Variants in PARD3B observed in about 807,000 individuals in gnomAD.
The protein encoded by PARD3B is par-3 family cell polarity regulator beta.
In PARD3B, 103 loss-of-function variants were observed where a neutral mutation model predicts 130.2. That is an observed-to-expected ratio of 0.79 (90% CI 0.67 to 0.93). The LOEUF (loss-of-function observed/expected upper bound fraction) is 0.93, where lower values mean the gene tolerates loss of function less well. PARD3B is among the 40% of genes least tolerant of loss of function. The pLI is 0.00. For missense variants in PARD3B, 1,609 were observed against 1,499.2 expected, an observed-to-expected ratio of 1.07 and a Z score of -1.21; for synonymous variants, 583 against 553.2, an observed-to-expected ratio of 1.05 and a Z score of -0.76.
intron 18 of PARD3B, among the ~76,000 whole-genome samples, chr2:205,334,064 T>A (rs2043226756): frequency 6.6e-6 from 1 of 152,166 alleles, no homozygotes; most frequent in Non-Finnish European, 1.5e-5. Context: ...GATTGGAGAA[T>A]GATTGAGTGG....
intron 2 of PARD3B, among the ~76,000 whole-genome samples, chr2:204,740,060 C>T (rs537530615): frequency 6.6e-6 from 1 of 152,072 alleles, no homozygotes; most frequent in East Asian, 1.9e-4. Context: ...ATCACCCAGG[C>T]TGGAGTGCAG....
chr2:205,381,161 TAAAGA>T, intron 18 of PARD3B, among the ~76,000 whole-genome samples: 1 of 118,902 alleles, frequency 8.4e-6, no homozygotes, highest in African/African-American at 3.3e-5. Context: ...ATAATATATA[TAAAGA>T]ATATATAATA....
intron 22 of PARD3B, among the ~76,000 whole-genome samples, chr2:205,596,284 A>C (rs2054567948): frequency 6.6e-6 from 1 of 152,220 alleles, no homozygotes; most frequent in African/African-American, 2.4e-5. Flanking sequence ...TATTTGTTGA[A>C]AATCATCTTG....
At chr2:205,508,297 G>A (rs114358525) in intron 21 of PARD3B, among the ~76,000 whole-genome samples, 2,904 of 152,310 alleles carry the variant, frequency 0.019, 93 homozygotes, top group African/African-American at 0.064. Context: ...TCCAGGCCAG[G>A]AGGGGTGGCC....
chr2:204,579,875 T>C (rs2032461557), intron 1 of PARD3B, among the ~76,000 whole-genome samples: 1 of 152,238 alleles, frequency 6.6e-6, no homozygotes, highest in Non-Finnish European at 1.5e-5. Context: ...CATCCTACCC[T>C]GTGAAGACAA....
At chr2:204,792,834 A>G (rs570169788) in intron 2 of PARD3B, among the ~76,000 whole-genome samples, 1 of 152,092 alleles carries the variant, frequency 6.6e-6, no homozygotes, top group Non-Finnish European at 1.5e-5. Context: ...CTTCTGCGCA[A>G]ATTGCTTGAT....
At chr2:205,531,741 G>A (rs1295165106) in intron 21 of PARD3B, among the ~76,000 whole-genome samples, 1 of 151,984 alleles carries the variant, frequency 6.6e-6, no homozygotes, top group Admixed American at 6.6e-5. Flanking sequence ...CTTCCAAAGA[G>A]AGAGGGAGGA....
chr2:204,683,081 T>A (rs1368106896), intron 1 of PARD3B, among the ~76,000 whole-genome samples: 2 of 152,216 alleles, frequency 1.3e-5, no homozygotes, highest in Non-Finnish European at 2.9e-5. Context: ...GTTTTAGTTT[T>A]AAAATTTTAG....
At chr2:204,739,382 A>G (rs1228208459) in intron 2 of PARD3B, among the ~76,000 whole-genome samples, 2 of 152,066 alleles carry the variant, frequency 1.3e-5, no homozygotes, top group African/African-American at 4.8e-5. Context: ...TGAAATGAGT[A>G]TGTTGGTTTT....
chr2:205,421,595 C>A lies in PARD3B; in HGVS notation c.2742-18775C>A, dbSNP rs988056183. Among the ~76,000 whole-genome samples, 1 of 152,176 alleles carries A rather than the reference C, an allele frequency of 6.6e-6. No individual in the cohort carries two copies. The highest frequency in any genetic ancestry group is 2.4e-5 in the African/African-American group (1 of 41,434). Reference sequence around the variant, plus strand: ...GAAAATAGTGCATACCTAAATACTTCTCTTTAGGTCTCATCATCAGTTCCA... The same window carrying A: ...GAAAATAGTGCATACCTAAATACTTATCTTTAGGTCTCATCATCAGTTCCA... On this transcript the variant is annotated intron_variant, in intron 19 of 22. Transcript: ENST00000406610. This position sits in a 1 kb window ranked among gnomAD's most constrained non-coding sequence, Gnocchi z 5.1.
chr2:205,345,291 A>G (rs927248038), intron 18 of PARD3B, among the ~76,000 whole-genome samples: 1 of 152,172 alleles, frequency 6.6e-6, no homozygotes, highest in Non-Finnish European at 1.5e-5. Flanking sequence ...GTATGATCTA[A>G]TGGTAATAAA....
At chr2:205,219,385 C>T (rs938465628) in intron 15 of PARD3B, among the ~76,000 whole-genome samples, 13 of 152,134 alleles carry the variant, frequency 8.5e-5, no homozygotes, top group Admixed American at 2.0e-4. Flanking sequence ...AATGAAGAGA[C>T]AGCACATAAA....
intron 10 of PARD3B, among the ~76,000 whole-genome samples, chr2:205,155,027 A>G (rs2034023220): frequency 2.6e-5 from 4 of 151,344 alleles, no homozygotes; most frequent in African/African-American, 9.7e-5. Flanking sequence ...CATGTACTCT[A>G]GAACTTAAAG....
At chr2:204,558,259 C>T (rs2031066448) in intron 1 of PARD3B, 1 of 152,116 alleles carries the variant, frequency 6.6e-6, no homozygotes, top group Admixed American at 6.5e-5. Context: ...CTGAGTTGTC[C>T]CTGTTTGCAG....
chr2:205,217,868 G>A (rs7561829), intron 15 of PARD3B, among the ~76,000 whole-genome samples: 651 of 47,062 alleles, frequency 0.014, 7 homozygotes, highest in African/African-American at 0.032. Flanking sequence ...GTGTGTGTGT[G>A]TATATATATA....
At chr2:204,684,810 A>G (rs1434770820) in intron 1 of PARD3B, among the ~76,000 whole-genome samples, 2 of 152,214 alleles carry the variant, frequency 1.3e-5, no homozygotes, top group African/African-American at 4.8e-5. Context: ...GTTTGCACCT[A>G]TAAACTCAGT....
intron 10 of PARD3B, among the ~76,000 whole-genome samples, chr2:205,143,991 T>C (rs1245644818): frequency 1.3e-5 from 2 of 152,198 alleles, no homozygotes; most frequent in Admixed American, 1.3e-4. Context: ...ATCCAGTTGG[T>C]GGATGGGATT....
At chr2:205,327,312 G>A (rs1249607678) in intron 18 of PARD3B, among the ~76,000 whole-genome samples, 1 of 152,064 alleles carries the variant, frequency 6.6e-6, no homozygotes, top group Non-Finnish European at 1.5e-5. Context: ...TATCGCTAAC[G>A]GGGACACACC....
At chr2:204,595,438 T>C (rs1325215502) in intron 1 of PARD3B, among the ~76,000 whole-genome samples, 3 of 152,214 alleles carry the variant, frequency 2.0e-5, no homozygotes, top group Admixed American at 6.5e-5. Context: ...ATGGTTTGAC[T>C]CTTCTCCATC....
Sources: gnomAD v4.1 joint callset for allele counts (sites outside exome capture counted in the v4.1 genomes callset) on GRCh38, gnomAD v4.1.1 for gene constraint, Gnocchi (gnomAD v3.1) non-coding constraint, MANE v1.5 for transcripts, NCBI Gene and HGNC (gene_info 2026-07-23, HGNC 2026-07-21) for gene names.